The following MAMDC2 variants were observed in gnomAD, a reference collection of about 807,000 sequenced individuals.
The protein encoded by MAMDC2 is MAM domain-containing protein 2.
A neutral mutation model predicts 89.8 loss-of-function variants in MAMDC2; 57 were observed. The ratio of observed to expected loss-of-function variants is 0.63; its 90% CI spans 0.51 to 0.79. The LOEUF (loss-of-function observed/expected upper bound fraction) is 0.79, where lower values mean the gene tolerates loss of function less well. Among genes scored for constraint, MAMDC2 ranks in the 30% least tolerant of loss-of-function variants. MAMDC2 has a pLI of 0.00. For missense variants in MAMDC2, 800 were observed against 820.6 expected, an observed-to-expected ratio of 0.97 and a Z score of 0.31; for synonymous variants, 313 against 293.4, an observed-to-expected ratio of 1.07 and a Z score of -0.68.
At chr9:70,122,416 A>G (rs2030326404) in intron 5 of MAMDC2, among the ~76,000 whole-genome samples, 1 of 152,122 alleles carries the variant, frequency 6.6e-6, no homozygotes, top group African/African-American at 2.4e-5. Flanking sequence ...TTTAAAGACA[A>G]CTCTCAGATG....
chr9:70,135,284 C>T (rs1443469985), intron 7 of MAMDC2, among the ~76,000 whole-genome samples: 3 of 152,128 alleles, frequency 2.0e-5, no homozygotes, highest in African/African-American at 4.8e-5. Flanking sequence ...TACATCATTG[C>T]ACTTCCCAGC....
At chr9:70,157,458 T>C (rs1015958496) in intron 9 of MAMDC2, 1 of 152,356 alleles carries the variant, frequency 6.6e-6, no homozygotes, top group Non-Finnish European at 1.5e-5. Flanking sequence ...CTTTCCCTCC[T>C]CCTCTTATAT....
chr9:70,135,069 A>G (rs1333103381), intron 7 of MAMDC2, among the ~76,000 whole-genome samples: 1 of 152,244 alleles, frequency 6.6e-6, no homozygotes, highest in Non-Finnish European at 1.5e-5. Context: ...AAACTGCAAC[A>G]CACTCCCGCT....
At chr9:70,158,118 C>G (rs1251088463) in intron 9 of MAMDC2, among the ~76,000 whole-genome samples, 1 of 152,072 alleles carries the variant, frequency 6.6e-6, no homozygotes. Flanking sequence ...CCATCATGTA[C>G]AGCTAATTTT....
rs2030324466 is a variant in MAMDC2 at position 70,122,361 on chromosome 9, G to C, written c.644-3798G>C. Among the ~76,000 whole-genome samples the C allele has an allele frequency of 4.6e-5, 7 of 152,330 alleles. No individual in the cohort carries two copies. In the South Asian group the frequency reaches 1.4e-3, roughly 32 times the overall value. ...AAGTTGCTAGTGAGGCACTTTGGCT[G>C]CAAATGCACAAAATATTGTCCACAC... On this transcript the variant is annotated intron_variant, in intron 5 of 13. Coordinates refer to ENST00000377182, the MANE Select transcript of MAMDC2 (RefSeq NM_153267.5).
chr9:70,047,708 T>C (rs538925998), intron 2 of MAMDC2, among the ~76,000 whole-genome samples: 38 of 152,188 alleles, frequency 2.5e-4, no homozygotes, highest in Non-Finnish European at 4.6e-4. Flanking sequence ...GTAGGTTAAT[T>C]TATTGTGGAG....
intron 11 of MAMDC2, among the ~76,000 whole-genome samples, chr9:70,193,449 T>C (rs2032923281): frequency 6.6e-6 from 1 of 152,102 alleles, no homozygotes; most frequent in African/African-American, 2.4e-5. Flanking sequence ...TATTAACTAT[T>C]GTCTGCTTGG....
At chr9:70,217,047 C>T (rs1215659281) in intron 11 of MAMDC2, 7 of 424,692 alleles carry the variant, frequency 1.6e-5, no homozygotes, top group Non-Finnish European at 2.6e-5. Flanking sequence ...GCCTTATCTA[C>T]ATGCCGATTA....
intron 2 of MAMDC2, among the ~76,000 whole-genome samples, chr9:70,066,557 T>A (rs1195078340): frequency 6.6e-6 from 1 of 151,952 alleles, no homozygotes; most frequent in African/African-American, 2.4e-5. Flanking sequence ...AGACAAGAGA[T>A]CATAGTGGCT....
At chr9:70,122,639 C>A (rs1278943617) in intron 5 of MAMDC2, among the ~76,000 whole-genome samples, 2 of 151,998 alleles carry the variant, frequency 1.3e-5, no homozygotes, top group Admixed American at 1.3e-4. Flanking sequence ...GGGTCCATGA[C>A]AATATTTTAA....
intron 2 of MAMDC2, among the ~76,000 whole-genome samples, chr9:70,101,713 A>G (rs774330512): frequency 2.0e-5 from 3 of 152,198 alleles, no homozygotes; most frequent in Non-Finnish European, 2.9e-5. Flanking sequence ...AGGTTCATGA[A>G]GTACACTCTA....
At chr9:70,054,962 CA>C (rs1333723128) in intron 2 of MAMDC2, among the ~76,000 whole-genome samples, 1 of 152,102 alleles carries the variant, frequency 6.6e-6, no homozygotes, top group Non-Finnish European at 1.5e-5. Flanking sequence ...CCTGTAATCC[CA>C]GCATTTTGGG....
Position 70,044,489 on chromosome 9 carries a change from C to T in MAMDC2, c.35-95C>T, listed in dbSNP as rs996875826. ...CTCCCGCCCCCTCCCGCTCGTCTTT[C>T]CCCCACTTTCACCAGGTAGTCCCCC... is the stretch of plus-strand genomic sequence containing the variant. On this transcript the variant is annotated intron_variant, in intron 1 of 13. Transcript: ENST00000377182. 2.9e-5 allele frequency: 30 copies of T among 1,026,098 alleles called. No homozygotes were observed. The Admixed American group carries it at 5.4e-4, about 18-fold the overall frequency. The allele number at this position is 1,026,098 out of a possible 1,614,324, so 63.6% of individuals were successfully genotyped here.
intron 5 of MAMDC2, among the ~76,000 whole-genome samples, chr9:70,115,358 T>A (rs187825975): frequency 7.3e-4 from 111 of 152,148 alleles, no homozygotes; most frequent in Non-Finnish European, 1.4e-3. Flanking sequence ...TTCAGCCCTT[T>A]TTTTTTTCTT....
At chr9:70,121,568 C>A (rs1010659777) in intron 5 of MAMDC2, among the ~76,000 whole-genome samples, 4 of 152,252 alleles carry the variant, frequency 2.6e-5, no homozygotes, top group South Asian at 2.1e-4. Context: ...CCCCATATAA[C>A]CTCTTTCGTT....
chr9:70,121,442 A>C (rs939700944), intron 5 of MAMDC2, among the ~76,000 whole-genome samples: 5 of 152,166 alleles, frequency 3.3e-5, no homozygotes, highest in African/African-American at 1.2e-4. Context: ...TTTGTGTATA[A>C]TCCAGAATTA....
At position 70,108,329 on chromosome 9, in the gene MAMDC2, A is replaced by G; in HGVS notation, c.267A>G (p.Thr89=). The change falls in exon 3 of 14, where the codon ACA becomes ACG. Residue 89 remains threonine (T), a synonymous_variant. Transcript: ENST00000377182. ...SCLRLVYQIT[T]SSESLSDPSQ... ...TCCGTTTGGTCTACCAGATAACCAC[A>G]TCTTCGGAGTCTCTGTCAGATCCCA... 2 of 1,614,156 alleles carry G rather than the reference A, an allele frequency of 1.2e-6. No homozygotes were observed. The highest frequency in any genetic ancestry group is 1.7e-6 in the Non-Finnish European group (2 of 1,179,990).
chr9:70,044,042 A>T lies in MAMDC2; in HGVS notation c.-156A>T. The stretch of plus-strand genomic sequence containing the variant: ...CTCGGCTCCGGGAGCCGCTCTGCAA[A>T]GTTGGGCAGCTCAGAGCGCAAGCTT... On this transcript the variant is annotated 5_prime_UTR_variant, in exon 1 of 14. In the 5' UTR this introduces an upstream ATG that the reference lacks. Coordinates refer to ENST00000377182, the MANE Select transcript of MAMDC2 (RefSeq NM_153267.5). 2 of 827,352 alleles carry T rather than the reference A, an allele frequency of 2.4e-6. No homozygotes were observed. The highest frequency in any genetic ancestry group is 4.7e-5 in the Admixed American group (2 of 43,006). 51.3% of individuals were successfully genotyped at this position (827,352 alleles called of 1,614,324 possible). A position where few individuals can be genotyped will look rare whatever the true frequency, so the allele number is the denominator to read the frequency against.
At chr9:70,058,123 T>C (rs7045153) in intron 2 of MAMDC2, among the ~76,000 whole-genome samples, 24,325 of 152,182 alleles carry the variant, frequency 0.16, 1,994 homozygotes, top group East Asian at 0.17. Flanking sequence ...GGAATATGAA[T>C]AATGACAATT....
Sources: gnomAD v4.1 joint callset for allele counts (sites outside exome capture counted in the v4.1 genomes callset) on GRCh38, gnomAD v4.1.1 for gene constraint, MANE v1.5 for transcripts, NCBI Gene and HGNC (gene_info 2026-07-23, HGNC 2026-07-21) for gene names.